AASDHPPT: variants seen among roughly 807,000 people sequenced by gnomAD.
AASDHPPT encodes aminoadipate-semialdehyde dehydrogenase-phosphopantetheinyl transferase, also known as L-aminoadipate-semialdehyde dehydrogenase-phosphopantetheinyl transferase.
AASDHPPT carries 23 observed loss-of-function variants against 36.4 expected under a neutral mutation model. The ratio of observed to expected loss-of-function variants is 0.63; its 90% CI spans 0.45 to 0.89. The LOEUF is 0.89. Among genes scored for constraint, AASDHPPT ranks in the 40% least tolerant of loss-of-function variants. The pLI, the probability that AASDHPPT is intolerant of heterozygous loss-of-function variation, is 0.00. For synonymous variants in AASDHPPT, 115 were observed against 128.0 expected, an observed-to-expected ratio of 0.90 and a Z score of 0.68; for missense variants, 377 against 378.2, an observed-to-expected ratio of 1.00 and a Z score of 0.03.
chr11:106,081,749 T>G (rs1002086424), intron 2 of AASDHPPT, among the ~76,000 whole-genome samples: 1 of 151,918 alleles, frequency 6.6e-6, no homozygotes, highest in African/African-American at 2.4e-5. Context: ...AACAAGTAAT[T>G]AATAACTGAA....
chr11:106,077,959 G>C (rs935018358), intron 1 of AASDHPPT, 66 bp downstream of exon 1: 1 of 1,539,394 alleles, frequency 6.5e-7, no homozygotes, highest in African/African-American at 1.4e-5. Context: ...GGGCCGGGCT[G>C]TGGAGACCCG....
At chr11:106,092,428 T>G (rs753026993) in intron 4 of AASDHPPT, 13 of 152,018 alleles carry the variant, frequency 8.6e-5, no homozygotes, top group Non-Finnish European at 1.5e-4. Context: ...AGTGAAGATG[T>G]CAGATAGGTG....
In AASDHPPT at chr11:106,077,701, C is replaced by T. The variant is rs753578221; in HGVS notation, c.-10C>T. Reference sequence around the variant, plus strand: ...AGGCCCGAGATAGCGGCGAGGTCCGCTTTCAGTGTATGGTTTTCCCTGCCA... The same window carrying T: ...AGGCCCGAGATAGCGGCGAGGTCCGTTTTCAGTGTATGGTTTTCCCTGCCA... On this transcript the variant is annotated 5_prime_UTR_variant, in exon 1 of 6. Coordinates refer to ENST00000278618, the MANE Select transcript of AASDHPPT (RefSeq NM_015423.3). The T allele has an allele frequency of 5.5e-5, 88 of 1,608,490 alleles. No individual in the cohort carries two copies. Among genetic ancestry groups the T allele is most frequent in the South Asian group, 7.7e-5 (7 of 90,984 alleles).
chr11:106,090,467 G>C (rs1220117062), intron 2 of AASDHPPT, 90 bp from the exon 3 acceptor site: 3 of 1,001,832 alleles, frequency 3.0e-6, no homozygotes, highest in Admixed American at 2.8e-5. Flanking sequence ...TAGATCTTTG[G>C]GGGGTGCTGT....
In AASDHPPT at chr11:106,094,644, G is replaced by C. The variant is rs564320606; in HGVS notation, c.755G>C (p.Arg252Thr). 21 of 1,601,628 alleles carry C rather than the reference G, an allele frequency of 1.3e-5. No individual in the cohort carries two copies. In the African/African-American group the frequency reaches 2.7e-4, roughly 20 times the overall value. Residue 252 changes from arginine to threonine, a missense_variant, in exon 5 of 6, where the codon AGA becomes ACA. Transcript: ENST00000278618. ...GCTCTTAGGAAACCCGATGGATCTA[G>C]ACATCAGGATGTAAGATTTTAGGAT... is the stretch of plus-strand genomic sequence containing the variant. ...AVALRKPDGS[R>T]HQDVPSQDDS...
At chr11:106,085,334 C>G (rs1288685681) in intron 2 of AASDHPPT, among the ~76,000 whole-genome samples, 1 of 152,028 alleles carries the variant, frequency 6.6e-6, no homozygotes, top group Non-Finnish European at 1.5e-5. Context: ...ATCTCCTGAC[C>G]TCGTGATCTA....
chr11:106,079,865 A>G (rs1861115882), intron 2 of AASDHPPT, among the ~76,000 whole-genome samples, 173 bp downstream of exon 2: 1 of 152,204 alleles, frequency 6.6e-6, no homozygotes, highest in Non-Finnish European at 1.5e-5. Context: ...ATTTCCATGA[A>G]TATTTACAGA....
chr11:106,088,362 A>T, intron 2 of AASDHPPT, among the ~76,000 whole-genome samples: 1 of 152,032 alleles, frequency 6.6e-6, no homozygotes, highest in East Asian at 1.9e-4. Flanking sequence ...GACACTATAG[A>T]TGACAAAATG....
chr11:106,079,731 C>A, intron 2 of AASDHPPT, 39 bp downstream of exon 2: 2 of 1,531,122 alleles, frequency 1.3e-6, no homozygotes, highest in South Asian at 2.2e-5. Flanking sequence ...TTAAGTGTCT[C>A]GATGCCTCAG....
intron 3 of AASDHPPT, among the ~76,000 whole-genome samples, chr11:106,090,886 G>A (rs1223957092): frequency 4.6e-5 from 4 of 86,800 alleles, no homozygotes; most frequent in African/African-American, 1.0e-4. Flanking sequence ...GTAATGCTCA[G>A]TTAGAAAGTA....
chr11:106,089,250 C>T (rs1210665098), intron 2 of AASDHPPT, among the ~76,000 whole-genome samples: 2 of 151,964 alleles, frequency 1.3e-5, no homozygotes, highest in Non-Finnish European at 2.9e-5. Flanking sequence ...TATTTATTTA[C>T]ATAAGAAATG....
chr11:106,082,450 A>C (rs1190309827), intron 2 of AASDHPPT, among the ~76,000 whole-genome samples: 1 of 152,092 alleles, frequency 6.6e-6, no homozygotes, highest in African/African-American at 2.4e-5. Context: ...CAAGGAAAGT[A>C]CTCTGTTTTG....
Position 106,090,686 on chromosome 11 carries a change from T to A in AASDHPPT, c.531+8T>A, listed in dbSNP as rs1242580063. ...ATGTTTTATAGGAATTGGGTATAATTCTTTCTAATTTTGAAAGCAAAAGTC... is the reference window on the plus strand; with the variant it reads ...ATGTTTTATAGGAATTGGGTATAATACTTTCTAATTTTGAAAGCAAAAGTC... On this transcript the variant is annotated splice_region_variant and intron_variant, in intron 3 of 5. Coordinates refer to ENST00000278618, the MANE Select transcript of AASDHPPT (RefSeq NM_015423.3). 3.2e-6 allele frequency: 5 copies of A among 1,575,538 alleles called. No homozygotes were observed. Among genetic ancestry groups the A allele is most frequent in the Non-Finnish European group, 3.4e-6 (4 of 1,165,942 alleles).
intron 4 of AASDHPPT, 34 bp downstream of exon 4, chr11:106,091,511 A>C: frequency 6.5e-7 from 1 of 1,539,508 alleles, no homozygotes; most frequent in Non-Finnish European, 8.7e-7. Context: ...AAAACTAAGA[A>C]TTTCTATTTT....
intron 2 of AASDHPPT, among the ~76,000 whole-genome samples, chr11:106,084,056 T>C (rs927679125): frequency 1.3e-5 from 2 of 152,086 alleles, no homozygotes; most frequent in African/African-American, 4.8e-5. Context: ...AATAGGCACG[T>C]TACAGAAGAA....
intron 2 of AASDHPPT, among the ~76,000 whole-genome samples, chr11:106,083,977 T>C (rs1861170658): frequency 6.6e-6 from 1 of 152,110 alleles, no homozygotes; most frequent in East Asian, 1.9e-4. Flanking sequence ...AAAATTCTTA[T>C]AACAAATTTG....
chr11:106,083,189 C>T (rs1861161860), intron 2 of AASDHPPT, among the ~76,000 whole-genome samples: 1 of 152,056 alleles, frequency 6.6e-6, no homozygotes, highest in South Asian at 2.1e-4. Context: ...GGTCTTTTTC[C>T]TTTGTCAGTA....
intron 2 of AASDHPPT, among the ~76,000 whole-genome samples, chr11:106,085,793 C>A (rs1210411248): frequency 6.6e-6 from 1 of 152,134 alleles, no homozygotes; most frequent in Non-Finnish European, 1.5e-5. Context: ...TTCTTTGTCC[C>A]AATTTTACAG....
intron 5 of AASDHPPT, among the ~76,000 whole-genome samples, chr11:106,095,204 C>G (rs911611154): frequency 6.6e-6 from 1 of 152,122 alleles, no homozygotes; most frequent in Non-Finnish European, 1.5e-5. Flanking sequence ...GTAGTACTAT[C>G]ATGCTACTCA....
Sources: allele counts gnomAD v4.1 joint callset (sites outside exome capture counted in the v4.1 genomes callset), GRCh38; gene constraint gnomAD v4.1.1; transcripts MANE v1.5; gene names NCBI Gene and HGNC (gene_info 2026-07-23, HGNC 2026-07-21).